Variants in CGGBP1 observed in about 807,000 individuals in gnomAD.
CGGBP1 encodes the protein CGG triplet repeat binding protein 1, also known as CGG triplet repeat-binding protein 1.
A neutral mutation model predicts 11.4 loss-of-function variants in CGGBP1; 4 were observed. That is an observed-to-expected ratio of 0.35 (90% confidence interval 0.17 to 0.80). CGGBP1 has a LOEUF of 0.80. Among genes scored for constraint, CGGBP1 ranks in the 30% least tolerant of loss-of-function variants. The probability of loss-of-function intolerance (pLI) is 0.52; values close to 1 mark genes in which losing one functional copy is unlikely to be tolerated. For synonymous variants in CGGBP1, 76 were observed against 74.1 expected (o/e 1.03, Z -0.13); for missense variants, 135 against 202.1 (o/e 0.67, Z 2.01).
intron 2 of CGGBP1, among the ~76,000 whole-genome samples, chr3:88,091,588 T>C (rs867853822): frequency 2.6e-5 from 4 of 152,224 alleles, no homozygotes; most frequent in South Asian, 2.1e-4. Context: ...CTAGCTGATA[T>C]GGTTTCACTG....
intron 2 of CGGBP1, among the ~76,000 whole-genome samples, chr3:88,073,900 C>T (rs371077115): frequency 6.6e-6 from 1 of 152,058 alleles, no homozygotes; most frequent in South Asian, 2.1e-4. Context: ...TTTATTTTCT[C>T]CTTTTAGTAA....
chr3:88,111,260 G>T (rs1315973563), intron 2 of CGGBP1, among the ~76,000 whole-genome samples: 1 of 152,034 alleles, frequency 6.6e-6, no homozygotes, highest in African/African-American at 2.4e-5. Context: ...ATTACAAAAC[G>T]ATTAATAACG....
chr3:88,140,026 A>G (rs1193456108), intron 2 of CGGBP1: 1 of 1,613,678 alleles, frequency 6.2e-7, no homozygotes, highest in Non-Finnish European at 8.5e-7. Flanking sequence ...AAGTGGAGCA[A>G]AGGAAAATGC....
intron 1 of CGGBP1, among the ~76,000 whole-genome samples, 189 bp from the exon 2 acceptor site, chr3:88,058,412 C>G (rs927960438): frequency 6.6e-6 from 1 of 152,046 alleles, no homozygotes; most frequent in African/African-American, 2.4e-5. Flanking sequence ...GGTGGTCCGC[C>G]CGCTTGGCAC....
intron 2 of CGGBP1, among the ~76,000 whole-genome samples, chr3:88,090,683 C>T (rs1708585486): frequency 6.6e-6 from 1 of 152,096 alleles, no homozygotes; most frequent in African/African-American, 2.4e-5. Context: ...ACTGACACAC[C>T]TATAACAACA....
In CGGBP1 at chr3:88,055,866, A is replaced by T. The variant is rs747262023; in HGVS notation, c.111T>A (p.Asp37Glu). The stretch of plus-strand genomic sequence containing the variant: ...AAGAAGTGCAGAAGAGTTTTCCTCC[A>T]TCTTCATGCAGCTCACCTCCAAACT... ...VTEFGGELHE[D>E]GGKLFCTSCN... The change falls in exon 4 of 4, where the codon GAT becomes GAA. Residue 37 changes from aspartate to glutamate, a missense_variant. Coordinates refer to ENST00000482016, the MANE Select transcript of CGGBP1 (RefSeq NM_001008390.2). This position sits in a 1 kb window ranked among gnomAD's most constrained non-coding sequence, Gnocchi z 4.2. 2.1e-5 allele frequency: 34 copies of T among 1,614,070 alleles called. No homozygotes were observed. Among genetic ancestry groups the T allele is most frequent in the Non-Finnish European group, 2.8e-5 (33 of 1,180,032 alleles).
At chr3:88,148,793 C>A (rs758601848) in intron 1 of CGGBP1, among the ~76,000 whole-genome samples, 3 of 152,130 alleles carry the variant, frequency 2.0e-5, no homozygotes, top group Admixed American at 6.5e-5. Context: ...GCGTCCGCCA[C>A]CATGCCAGGC....
At chr3:88,147,417 G>C (rs2107922340) in intron 1 of CGGBP1, among the ~76,000 whole-genome samples, 1 of 152,240 alleles carries the variant, frequency 6.6e-6, no homozygotes, top group African/African-American at 2.4e-5. Flanking sequence ...AGGCTTTGAG[G>C]CAAGAACCTA....
chr3:88,081,477 G>T (rs554808888), intron 2 of CGGBP1, among the ~76,000 whole-genome samples: 3 of 152,128 alleles, frequency 2.0e-5, no homozygotes, highest in East Asian at 3.9e-4. Context: ...CTGCCTAATG[G>T]TGCTTCTCTG....
Position 88,055,836 on chromosome 3 carries a change from A to G in CGGBP1, c.141T>C (p.Asn47=), listed in dbSNP as rs1265778186. The change falls in exon 4 of 4, where the codon AAT becomes AAC. Residue 47 remains asparagine, a synonymous_variant. Transcript: ENST00000482016. This position sits in a 1 kb window ranked among gnomAD's most constrained non-coding sequence, Gnocchi z 4.2. ...ACTTGCGAACATGATTCAGAACCACATTGCAAGAAGTGCAGAAGAGTTTTC... is the reference window on the plus strand; with the variant it reads ...ACTTGCGAACATGATTCAGAACCACGTTGCAAGAAGTGCAGAAGAGTTTTC... The part of the protein sequence containing the change: ...DGGKLFCTSC[N]VVLNHVRKSA... 6.2e-7 allele frequency: 1 copy of G among 1,614,204 alleles called. No homozygotes were observed.
At chr3:88,104,713 G>A (rs756092272) in intron 2 of CGGBP1, among the ~76,000 whole-genome samples, 19 of 152,304 alleles carry the variant, frequency 1.2e-4, no homozygotes, top group Non-Finnish European at 2.4e-4. Flanking sequence ...TTAAGCCAAA[G>A]TGGACACTAA....
intron 2 of CGGBP1, among the ~76,000 whole-genome samples, chr3:88,070,577 T>G (rs1363248136): frequency 6.7e-6 from 1 of 149,782 alleles, no homozygotes; most frequent in African/African-American, 2.5e-5. Flanking sequence ...TTTTTTTTTT[T>G]TTTTTTTTTT....
At position 88,145,125 on chromosome 3, in the gene CGGBP1, C is replaced by T. The variant is rs749389625; in HGVS notation, c.-337-4047G>A. ...ACAATATAAATGATGATGAAAATTA[C>T]TTCCTAGGAAAGAATTTCACTGGGG... On this transcript the variant is annotated intron_variant, in intron 1 of 3. Coordinates refer to the CGGBP1 transcript ENST00000462901. Among the ~76,000 whole-genome samples the T allele has an allele frequency of 4.9e-4, 74 of 152,088 alleles. No homozygotes were observed. In the Middle Eastern group the frequency reaches 0.01, roughly 21 times the overall value.
At position 88,053,330 on chromosome 3, in the gene CGGBP1, A is replaced by G. The variant is rs1482247190; in HGVS notation, c.*2143T>C. 2 of 152,188 alleles carry G rather than the reference A, an allele frequency of 1.3e-5. No homozygotes were observed. Among genetic ancestry groups the G allele is most frequent in the Non-Finnish European group, 2.9e-5 (2 of 67,994 alleles). The allele number at this position is 152,188 out of a possible 1,614,324, so 9.4% of individuals were successfully genotyped here. A position where few individuals can be genotyped will look rare whatever the true frequency, so the allele number is the denominator to read the frequency against. On this transcript the variant is annotated 3_prime_UTR_variant, in exon 4 of 4. Coordinates refer to ENST00000482016, the MANE Select transcript of CGGBP1 (RefSeq NM_001008390.2). ...ATTAATACCAAATCCCCACAACAGGATGGAAAACATTTCTAAGGAGAGGAT... is the reference window on the plus strand; with the variant it reads ...ATTAATACCAAATCCCCACAACAGGGTGGAAAACATTTCTAAGGAGAGGAT...
At chr3:88,140,503 G>A (rs1188906376) in intron 2 of CGGBP1, 2 of 1,613,664 alleles carry the variant, frequency 1.2e-6, no homozygotes, top group South Asian at 1.1e-5. Flanking sequence ...GGAAACGAAC[G>A]TTCTGATGAC....
At position 88,108,203 on chromosome 3, in the gene CGGBP1, GT is replaced by G. The variant is rs879906166; in HGVS notation, c.-229+32766del. Among the ~76,000 whole-genome samples the G allele has an allele frequency of 1.2e-3, 170 of 146,222 alleles. 2 individuals are homozygous for G. Among genetic ancestry groups the G allele is most frequent in the Middle Eastern group, 7.1e-3 (2 of 282 alleles). On this transcript the variant is annotated intron_variant, in intron 2 of 3. Transcript: ENST00000462901. ...CCTACATGAGAAGATTTTCAAAGTA[GT>G]TTTTTTTTTTTCCTATTTCTACTTA...
chr3:88,128,934 A>G, intron 2 of CGGBP1: 1 of 1,535,582 alleles, frequency 6.5e-7, no homozygotes, highest in Non-Finnish European at 8.7e-7. Flanking sequence ...CCCAGAAATC[A>G]GTAAAGACTT....
chr3:88,082,678 C>T (rs1320477517), intron 2 of CGGBP1, among the ~76,000 whole-genome samples: 3 of 152,070 alleles, frequency 2.0e-5, no homozygotes, highest in Non-Finnish European at 4.4e-5. Flanking sequence ...ATTGTTTGCT[C>T]AGTGACAAAC....
At chr3:88,112,591 C>T (rs575488775) in intron 2 of CGGBP1, among the ~76,000 whole-genome samples, 4 of 152,070 alleles carry the variant, frequency 2.6e-5, no homozygotes, top group East Asian at 1.9e-4. Flanking sequence ...GTGTGAGGAA[C>T]CATGTGTCAT....
Sources: allele counts gnomAD v4.1 joint callset (sites outside exome capture counted in the v4.1 genomes callset), GRCh38; gene constraint gnomAD v4.1.1; non-coding constraint Gnocchi (gnomAD v3.1); transcripts MANE v1.5; gene names NCBI Gene and HGNC (gene_info 2026-07-23, HGNC 2026-07-21).